ADCY5: variants seen among roughly 807,000 people sequenced by gnomAD.
The protein encoded by ADCY5 is adenylate cyclase type 5.
A neutral mutation model predicts 119.7 loss-of-function variants in ADCY5; 30 were observed. The observed-to-expected ratio is 0.25, with a 90% CI of 0.19 to 0.34. The LOEUF is 0.34. Among genes scored for constraint, ADCY5 ranks in the 10% least tolerant of loss-of-function variants. The pLI is 1.00. For missense variants in ADCY5, 1,324 were observed against 1,775.2 expected (o/e 0.75, Z 4.57); for synonymous variants, 753 against 762.2 (o/e 0.99, Z 0.20).
rs564465173 is a variant in ADCY5 at position 123,313,904 on chromosome 3, C to T, written c.2442+331G>A. Among the ~76,000 whole-genome samples, 5 of 152,352 alleles carry T rather than the reference C, an allele frequency of 3.3e-5. No homozygotes were observed. The South Asian group carries it at 1.0e-3, about 32-fold the overall frequency. On this transcript the variant is annotated intron_variant, in intron 12 of 20. Coordinates refer to ENST00000462833, the MANE Select transcript of ADCY5 (RefSeq NM_183357.3). ...TCTCTCAGCAAATATTCACTGGGCA[C>T]TGCTCTGTGACAGACTTGGTGCTCG... is the stretch of plus-strand genomic sequence containing the variant.
rs78408818 is a variant in ADCY5 at position 123,383,963 on chromosome 3, C to T, written c.1135-31382G>A. 8.6e-3 allele frequency among the ~76,000 whole-genome samples: 460 copies of T among 53,490 alleles called. 4 individuals carry two copies. Among genetic ancestry groups the T allele is most frequent in the African/African-American group, 0.029 (419 of 14,692 alleles). The allele number at this position is 53,490 out of a possible 152,430, so 35.1% of individuals were successfully genotyped here. ...CACACCCTTCTGCAAGGCACGTGCG[C>T]GCGCGCACACACACACACAAACACA... On this transcript the variant is annotated intron_variant, in intron 1 of 20. Coordinates refer to ENST00000462833, the MANE Select transcript of ADCY5 (RefSeq NM_183357.3).
intron 12 of ADCY5, among the ~76,000 whole-genome samples, chr3:123,308,530 T>C (rs942577042): frequency 1.3e-5 from 2 of 152,032 alleles, no homozygotes; most frequent in African/African-American, 4.8e-5. Context: ...TAACCCCAGT[T>C]TGGATCTTAA....
intron 5 of ADCY5, among the ~76,000 whole-genome samples, chr3:123,330,505 C>T (rs183252082): frequency 1.1e-4 from 17 of 152,324 alleles, no homozygotes; most frequent in Non-Finnish European, 2.9e-5. Context: ...CCTTTCACAT[C>T]TGGGAAGAAG....
chr3:123,446,603 C>G (rs1445282495), intron 1 of ADCY5, among the ~76,000 whole-genome samples: 3 of 152,226 alleles, frequency 2.0e-5, no homozygotes. Context: ...AGAGAGTCAC[C>G]AGCTAACCAG....
At chr3:123,416,033 A>T (rs1016094900) in intron 1 of ADCY5, 26 of 773,978 alleles carry the variant, frequency 3.4e-5, no homozygotes, top group Admixed American at 3.2e-4. Context: ...GTTCCATACC[A>T]AAAAATCCAA....
intron 1 of ADCY5, among the ~76,000 whole-genome samples, chr3:123,444,481 C>A (rs1404821485): frequency 6.6e-6 from 1 of 151,992 alleles, no homozygotes; most frequent in East Asian, 1.9e-4. Flanking sequence ...GGGAGGGTGA[C>A]AAACACTATG....
chr3:123,448,469 G>T lies in ADCY5; in HGVS notation c.77C>A (p.Pro26His). The T allele has an allele frequency of 1.6e-6, 2 of 1,274,622 alleles. No individual in the cohort carries two copies. Among genetic ancestry groups the T allele is most frequent in the Non-Finnish European group, 2.0e-6 (2 of 1,012,142 alleles). 79.0% of individuals were successfully genotyped at this position (1,274,622 alleles called of 1,614,324 possible). A position where few individuals can be genotyped will look rare whatever the true frequency, so the allele number is the denominator to read the frequency against. ...KTAAPAPRGGPEHRSAWGEAD... is the reference protein window; with the variant it reads ...KTAAPAPRGGHEHRSAWGEAD... ...CTCGCCCCACGCAGAGCGGTGTTCG[G>T]GGCCTCCCCGGGGCGCCGGCGCCGC... Residue 26 changes from proline (P) to histidine (H), a missense_variant, in exon 1 of 21, where the codon CCC becomes CAC. Pro to His is a moderately conservative substitution (Grantham distance 77). Coordinates refer to ENST00000462833, the MANE Select transcript of ADCY5 (RefSeq NM_183357.3).
At chr3:123,383,957 C>CGT (rs1186246609) in intron 1 of ADCY5, among the ~76,000 whole-genome samples, 69 of 105,454 alleles carry the variant, frequency 6.5e-4, no homozygotes, top group African/African-American at 2.8e-3. Flanking sequence ...CTGCAAGGCA[C>CGT]GTGCGCGCGC....
intron 1 of ADCY5, among the ~76,000 whole-genome samples, chr3:123,395,899 GAGAGAGAA>G (rs982854178): frequency 4.0e-5 from 6 of 148,738 alleles, no homozygotes; most frequent in South Asian, 2.2e-4. Context: ...AAGAAAGAGA[GAGAGAGAA>G]AGAGAGAAAG....
chr3:123,390,229 T>C (rs1414667135), intron 1 of ADCY5, among the ~76,000 whole-genome samples: 1 of 152,106 alleles, frequency 6.6e-6, no homozygotes, highest in East Asian at 1.9e-4. Flanking sequence ...TGTGGAAAAA[T>C]GGGGGAAGAA....
At chr3:123,288,984 C>T (rs544801230) in intron 19 of ADCY5, among the ~76,000 whole-genome samples, 1 of 152,266 alleles carries the variant, frequency 6.6e-6, no homozygotes, top group Admixed American at 6.5e-5. Context: ...GATGAGCAGC[C>T]ACTGGAAGAT....
chr3:123,447,129 C>A (rs1000202223), intron 1 of ADCY5, among the ~76,000 whole-genome samples: 1 of 152,190 alleles, frequency 6.6e-6, no homozygotes, highest in Non-Finnish European at 1.5e-5. Context: ...TAATTTTCTC[C>A]TCCAACCTTC....
chr3:123,345,757 GACAGACAGACAGAC>G (rs1383209136), intron 3 of ADCY5, among the ~76,000 whole-genome samples: 5 of 61,088 alleles, frequency 8.2e-5, no homozygotes, highest in Admixed American at 4.4e-4. Context: ...CAGACAGACA[GACAGACAGACAGAC>G]ACACACACAC....
At chr3:123,397,104 T>C (rs1004140820) in intron 1 of ADCY5, among the ~76,000 whole-genome samples, 13 of 152,328 alleles carry the variant, frequency 8.5e-5, no homozygotes, top group African/African-American at 2.9e-4. Flanking sequence ...AATTTGTCTC[T>C]GTCCTGACAT....
At chr3:123,409,770 A>G (rs1207124015) in intron 1 of ADCY5, among the ~76,000 whole-genome samples, 1 of 152,160 alleles carries the variant, frequency 6.6e-6, no homozygotes, top group Non-Finnish European at 1.5e-5. Context: ...CTTCCTTAAC[A>G]GAGGCCGGGC....
intron 1 of ADCY5, among the ~76,000 whole-genome samples, chr3:123,377,594 T>C (rs1943879849): frequency 6.6e-6 from 1 of 151,948 alleles, no homozygotes; most frequent in Non-Finnish European, 1.5e-5. Flanking sequence ...TGCTAGACTG[T>C]GAGCTCCATG....
intron 14 of ADCY5, among the ~76,000 whole-genome samples, chr3:123,300,520 G>C (rs187963085): frequency 6.6e-6 from 1 of 152,230 alleles, no homozygotes; most frequent in Non-Finnish European, 1.5e-5. Flanking sequence ...ACAGCCCCAC[G>C]TTACAGCTGC....
chr3:123,361,223 G>C (rs940292164), intron 1 of ADCY5, among the ~76,000 whole-genome samples: 5 of 152,060 alleles, frequency 3.3e-5, no homozygotes, highest in African/African-American at 9.7e-5. Context: ...TGTCCTCCGG[G>C]GGCACACTCT....
At chr3:123,409,031 T>C (rs1576676458) in intron 1 of ADCY5, among the ~76,000 whole-genome samples, 2 of 152,172 alleles carry the variant, frequency 1.3e-5, no homozygotes, top group South Asian at 4.1e-4. Context: ...TACATAAAAA[T>C]GTATCTCTGT....
Sources: allele counts gnomAD v4.1 joint callset (sites outside exome capture counted in the v4.1 genomes callset), GRCh38; gene constraint gnomAD v4.1.1; transcripts MANE v1.5; gene names NCBI Gene and HGNC (gene_info 2026-07-23, HGNC 2026-07-21).